PCDH15: variants seen among roughly 807,000 people sequenced by gnomAD.
PCDH15 encodes the protein protocadherin-15.
Under a neutral mutation model 178.5 loss-of-function variants are expected in PCDH15, and 129 were observed. That is an observed-to-expected ratio of 0.72 (90% CI 0.63 to 0.84). PCDH15 has a LOEUF of 0.84. Among genes scored for constraint, PCDH15 ranks in the 40% least tolerant of loss-of-function variants. PCDH15 has a pLI of 0.00. For missense variants in PCDH15, 2,230 were observed against 2,099.9 expected (o/e 1.06, Z -1.21); for synonymous variants, 800 against 732.0 (o/e 1.09, Z -1.50).
intron 8 of PCDH15, among the ~76,000 whole-genome samples, chr10:54,243,074 A>C (rs1366102217): frequency 6.6e-6 from 1 of 152,214 alleles, no homozygotes; most frequent in Non-Finnish European, 1.5e-5. Context: ...ATATAATTTA[A>C]TACCTAAGTT....
At chr10:54,249,604 G>C (rs1183624772) in intron 8 of PCDH15, among the ~76,000 whole-genome samples, 1 of 152,208 alleles carries the variant, frequency 6.6e-6, no homozygotes, top group Non-Finnish European at 1.5e-5. Context: ...CATATTTTCA[G>C]TTTGTTGTTT....
At chr10:54,189,252 T>A in intron 11 of PCDH15, 1 of 739,256 alleles carries the variant, frequency 1.4e-6, no homozygotes, top group Non-Finnish European at 2.3e-6. Context: ...GATATCCTTA[T>A]AAGGGATAAT....
At chr10:54,837,972 C>A (rs753164014) in intron 3 of PCDH15, among the ~76,000 whole-genome samples, 16 of 152,012 alleles carry the variant, frequency 1.1e-4, no homozygotes, top group Non-Finnish European at 2.2e-4. Context: ...TGGCTCCAAC[C>A]CCTTTCAATC....
chr10:54,109,595 C>CA (rs2094977843), intron 15 of PCDH15, among the ~76,000 whole-genome samples: 1 of 152,126 alleles, frequency 6.6e-6, no homozygotes, highest in Non-Finnish European at 1.5e-5. Context: ...CACAGAAAGA[C>CA]AAACTTTGCA....
chr10:55,366,537 G>C (rs1345655883), intron 2 of PCDH15, among the ~76,000 whole-genome samples: 3 of 152,114 alleles, frequency 2.0e-5, no homozygotes, highest in African/African-American at 7.2e-5. Flanking sequence ...ATAGGTACCT[G>C]AGAGATTTTT....
At chr10:54,339,601 T>C (rs1941854607) in intron 6 of PCDH15, among the ~76,000 whole-genome samples, 2 of 152,178 alleles carry the variant, frequency 1.3e-5, no homozygotes, top group South Asian at 2.1e-4. Flanking sequence ...TTCTGAACAA[T>C]AGTGCAGACT....
At chr10:55,084,082 T>C (rs1488922451) in intron 2 of PCDH15, among the ~76,000 whole-genome samples, 1 of 151,786 alleles carries the variant, frequency 6.6e-6, no homozygotes, top group Non-Finnish European at 1.5e-5. Context: ...TTCTAAAATT[T>C]ATATGAAACT....
chr10:55,256,458 G>C (rs971825976), intron 1 of PCDH15, among the ~76,000 whole-genome samples: 22 of 152,316 alleles, frequency 1.4e-4, no homozygotes, highest in Non-Finnish European at 2.9e-5. Context: ...AAGGGGTCAG[G>C]GAATTTCCTT....
chr10:54,486,724 T>G (rs867186630), intron 3 of PCDH15, among the ~76,000 whole-genome samples: 120 of 152,170 alleles, frequency 7.9e-4, no homozygotes, highest in African/African-American at 2.6e-3. Context: ...TGCTCAGTTA[T>G]TTGTGATGTT....
chr10:54,415,846 A>G lies in PCDH15; in HGVS notation c.158-36904T>C, dbSNP rs138197959. ...TATGATCTCGATTGGGTAAAAGACAATTTATCTACATGTGATTTTCCCATA... is the reference window on the plus strand; with the variant it reads ...TATGATCTCGATTGGGTAAAAGACAGTTTATCTACATGTGATTTTCCCATA... On this transcript the variant is annotated intron_variant, in intron 3 of 37. Transcript: ENST00000644397. 9.8e-5 allele frequency among the ~76,000 whole-genome samples: 15 copies of G among 152,306 alleles called. No homozygotes were observed. The East Asian group carries it at 2.5e-3, about 25-fold the overall frequency.
chr10:53,973,626 A>G (rs938647695), intron 21 of PCDH15, among the ~76,000 whole-genome samples: 3 of 152,170 alleles, frequency 2.0e-5, no homozygotes, highest in African/African-American at 7.2e-5. Context: ...CCGTACTCTC[A>G]TCAACCAAAT....
chr10:55,259,943 T>G (rs1303458770), intron 1 of PCDH15, among the ~76,000 whole-genome samples: 3 of 118,552 alleles, frequency 2.5e-5, no homozygotes, highest in Non-Finnish European at 3.6e-5. Context: ...AAAAAAAAGT[T>G]TAGCTAAGAA....
intron 1 of PCDH15, among the ~76,000 whole-genome samples, chr10:55,204,664 G>T (rs1020386643): frequency 1.3e-5 from 2 of 152,034 alleles, no homozygotes; most frequent in Non-Finnish European, 2.9e-5. Flanking sequence ...AGAGAAAATT[G>T]AGTCAGGAAT....
In PCDH15 at chr10:54,130,133, A is replaced by G. The variant is rs181778525; in HGVS notation, c.1917+2742T>C. On this transcript the variant is annotated intron_variant, in intron 15 of 37. Coordinates refer to ENST00000644397, the MANE Select transcript of PCDH15 (RefSeq NM_001384140.1). ...AATAGATAAAAAATTCAGACAGACA[A>G]AGAGGGAGGAAGCTGCTTGAGTGAA... 1.5e-3 allele frequency among the ~76,000 whole-genome samples: 231 copies of G among 151,808 alleles called. 1 individual carries two copies. Among genetic ancestry groups the G allele is most frequent in the African/African-American group, 5.0e-3 (204 of 41,160 alleles).
chr10:55,210,078 T>C lies in PCDH15; in HGVS notation c.-155-43427A>G, dbSNP rs1177168728. 2.0e-5 allele frequency among the ~76,000 whole-genome samples: 3 copies of C among 151,834 alleles called. No homozygotes were observed. In the East Asian group the frequency reaches 5.8e-4, roughly 29 times the overall value. On this transcript the variant is annotated intron_variant, in intron 1 of 5. Coordinates refer to the PCDH15 transcript ENST00000458638. ...TCATAGAAGCCAAAAAAGAGGGGTT[T>C]TGGGAAGAGGCATAAATTTCAAAAG...
At chr10:54,820,544 T>G (rs907226916) in intron 3 of PCDH15, among the ~76,000 whole-genome samples, 3 of 152,090 alleles carry the variant, frequency 2.0e-5, no homozygotes, top group African/African-American at 7.2e-5. Flanking sequence ...TTTTAAATTC[T>G]GCCTTATTGA....
At chr10:54,401,924 C>A (rs1456070982) in intron 3 of PCDH15, among the ~76,000 whole-genome samples, 6 of 151,662 alleles carry the variant, frequency 4.0e-5, no homozygotes, top group African/African-American at 1.5e-4. Flanking sequence ...GATAACAAAC[C>A]TGACAAAAAT....
At chr10:55,288,867 T>TTATATATATATATATATATATATATATA (rs1457612160) in intron 1 of PCDH15, among the ~76,000 whole-genome samples, 5 of 149,152 alleles carry the variant, frequency 3.4e-5, no homozygotes, top group African/African-American at 1.0e-4. Flanking sequence ...TTCAATTCTA[T>TTATATATATATATATATATATATATATA]TAGATATATA....
chr10:53,922,426 G>T (rs559671843), intron 25 of PCDH15, among the ~76,000 whole-genome samples: 10 of 152,232 alleles, frequency 6.6e-5, no homozygotes, highest in African/African-American at 2.4e-4. Context: ...TACCCTAAGA[G>T]AAAGTTGAAG....
Sources: allele counts gnomAD v4.1 joint callset (sites outside exome capture counted in the v4.1 genomes callset), GRCh38; gene constraint gnomAD v4.1.1; transcripts MANE v1.5; gene names NCBI Gene and HGNC (gene_info 2026-07-23, HGNC 2026-07-21).